Variants in KCTD21 observed in about 807,000 individuals in gnomAD.
KCTD21 encodes potassium channel tetramerization domain containing 21, also known as BTB/POZ domain-containing protein KCTD21.
In KCTD21, 9 loss-of-function variants were observed where a neutral mutation model predicts 13.2. The observed-to-expected ratio is 0.68, with a 90% CI of 0.41 to 1.19. The LOEUF (loss-of-function observed/expected upper bound fraction) is 1.19, where lower values mean the gene tolerates loss of function less well. Ranked by LOEUF, KCTD21 falls within the 50% of genes most tolerant of loss-of-function variation. KCTD21 has a pLI of 0.01. For synonymous variants in KCTD21, 142 were observed against 137.4 expected (o/e 1.03, Z -0.23); for missense variants, 303 against 336.5 (o/e 0.90, Z 0.78).
At chr11:78,183,684 G>C (rs1473827843) in intron 1 of KCTD21, among the ~76,000 whole-genome samples, 2 of 150,814 alleles carry the variant, frequency 1.3e-5, no homozygotes, top group Non-Finnish European at 3.0e-5. Context: ...GCCCAGGCTG[G>C]AGTGCAGTGG....
At position 78,171,728 on chromosome 11, in the gene KCTD21, C is replaced by T. The variant is rs1263438806; in HGVS notation, c.*2044G>A. 1 of 152,222 alleles carries T rather than the reference C, an allele frequency of 6.6e-6. No individual in the cohort carries two copies. Among genetic ancestry groups the T allele is most frequent in the Non-Finnish European group, 1.5e-5 (1 of 68,048 alleles). 9.4% of individuals were successfully genotyped at this position (152,222 alleles called of 1,614,324 possible). A position where few individuals can be genotyped will look rare whatever the true frequency, so the allele number is the denominator to read the frequency against. On this transcript the variant is annotated 3_prime_UTR_variant, in exon 2 of 2. Coordinates refer to ENST00000340067, the MANE Select transcript of KCTD21 (RefSeq NM_001029859.3). The stretch of plus-strand genomic sequence containing the variant: ...TCAAGCGATTCTACTGCCTCAGCCT[C>T]CCAAATAGCTGGGGTTATAGGCGCC...
intron 1 of KCTD21, chr11:78,188,226 G>A: frequency 1.3e-5 from 13 of 976,948 alleles, no homozygotes; most frequent in Non-Finnish European, 1.6e-5. Flanking sequence ...CCCCCACTCC[G>A]ACCTGACAAG....
intron 1 of KCTD21, among the ~76,000 whole-genome samples, chr11:78,185,131 G>C (rs898599616): frequency 6.6e-6 from 1 of 152,100 alleles, no homozygotes; most frequent in African/African-American, 2.4e-5. Flanking sequence ...CCCTTATTAG[G>C]GGATACATGT....
chr11:78,179,171 G>GC, intron 1 of KCTD21, among the ~76,000 whole-genome samples: 1 of 151,332 alleles, frequency 6.6e-6, no homozygotes. Flanking sequence ...CTTCATTCCT[G>GC]CATTTCATTC....
chr11:78,174,839 G>A (rs992438480), intron 1 of KCTD21: 17 of 343,228 alleles, frequency 5.0e-5, no homozygotes, highest in East Asian at 2.0e-4. Flanking sequence ...GGTCCCCCGC[G>A]CCCCCCTCTG....
intron 1 of KCTD21, 169 bp downstream of exon 1, chr11:78,188,404 T>A: frequency 1.0e-6 from 1 of 984,850 alleles, no homozygotes; most frequent in African/African-American, 1.8e-5. Context: ...CTCACCTCGC[T>A]CCGAAACGCG....
At chr11:78,188,030 T>C in intron 1 of KCTD21, 1 of 985,406 alleles carries the variant, frequency 1.0e-6, no homozygotes, top group Non-Finnish European at 1.2e-6. Flanking sequence ...GACTCTTTAT[T>C]TCCAGTCAGT....
At chr11:78,184,742 T>G (rs1862723147) in intron 1 of KCTD21, among the ~76,000 whole-genome samples, 1 of 146,472 alleles carries the variant, frequency 6.8e-6, no homozygotes, top group African/African-American at 2.5e-5. Context: ...AAGGTATTTT[T>G]GGGCAATTAG....
intron 1 of KCTD21, among the ~76,000 whole-genome samples, chr11:78,180,021 A>G (rs1862570047): frequency 6.6e-6 from 1 of 152,194 alleles, no homozygotes; most frequent in Non-Finnish European, 1.5e-5. Flanking sequence ...GGGGAAAAAA[A>G]GAACCTTGGT....
Position 78,174,366 on chromosome 11 carries a change from C to T in KCTD21, c.189G>A (p.Leu63=). 5 of 1,614,082 alleles carry T rather than the reference C, an allele frequency of 3.1e-6. No homozygotes were observed. The highest frequency in any genetic ancestry group is 4.2e-6 in the Non-Finnish European group (5 of 1,180,022). The change falls in exon 2 of 2, where the codon CTG becomes CTA. Residue 63 remains leucine (L), a synonymous_variant. Coordinates refer to ENST00000340067, the MANE Select transcript of KCTD21 (RefSeq NM_001029859.3). ...GKVFRYILNF[L]RTSHLDLPED... ...CAGGCAGGTCAAGGTGGGAGGTCCG[C>T]AGGAAGTTGAGGATATAGCGGAACA...
chr11:78,174,947 G>A (rs182676149), intron 1 of KCTD21: 30 of 176,298 alleles, frequency 1.7e-4, no homozygotes, highest in Admixed American at 3.4e-4. Flanking sequence ...TTAGAATAGA[G>A]AACCACTGGT....
chr11:78,179,015 C>T (rs1862538646), intron 1 of KCTD21, among the ~76,000 whole-genome samples: 1 of 152,068 alleles, frequency 6.6e-6, no homozygotes. Context: ...AGACTAAATC[C>T]TTCGTCCAGA....
At chr11:78,179,635 C>T (rs757596423) in intron 1 of KCTD21, among the ~76,000 whole-genome samples, 9 of 152,130 alleles carry the variant, frequency 5.9e-5, no homozygotes, top group African/African-American at 1.2e-4. Flanking sequence ...TGCAGACTGA[C>T]CTTCCTGAAG....
intron 1 of KCTD21, chr11:78,186,631 G>A (rs1337187477): frequency 1.7e-5 from 15 of 897,694 alleles, no homozygotes; most frequent in Non-Finnish European, 2.0e-5. Flanking sequence ...CTCTATACAT[G>A]TTAATCTCTT....
At chr11:78,176,338 T>A (rs1379868158) in intron 1 of KCTD21, 2 of 152,236 alleles carry the variant, frequency 1.3e-5, no homozygotes. Flanking sequence ...GGCTGCAAGG[T>A]CAGTGCAAAT....
At position 78,174,308 on chromosome 11, in the gene KCTD21, C is replaced by A; in HGVS notation, c.247G>T (p.Glu83Ter). Residue 83 changes from glutamate (E) to a stop codon, truncating the protein, a stop_gained, in exon 2 of 2, where the codon GAG becomes TAG. Transcript: ENST00000340067. LOFTEE classifies it high-confidence loss of function. ...GGCTGCACCTGGTAGAAGTCGGCCTCCCTGCGGAGCAGCCCCATCTCCTGG... is the reference window on the plus strand; with the variant it reads ...GGCTGCACCTGGTAGAAGTCGGCCTACCTGCGGAGCAGCCCCATCTCCTGG... Reference protein sequence around the residue: ...DFQEMGLLRREADFYQVQPLI... With the variant: ...DFQEMGLLRR 6.2e-7 allele frequency: 1 copy of A among 1,614,116 alleles called. No individual in the cohort carries two copies. The highest frequency in any genetic ancestry group is 1.1e-5 in the South Asian group (1 of 91,080).
chr11:78,186,402 A>ACAAAAAC (rs1862770707), intron 1 of KCTD21, among the ~76,000 whole-genome samples: 1 of 132,012 alleles, frequency 7.6e-6, no homozygotes, highest in Non-Finnish European at 1.7e-5. Flanking sequence ...AAAAAAAAAA[A>ACAAAAAC]AAAAAGAAAA....
chr11:78,187,775 T>G (rs1862835152), intron 1 of KCTD21: 1 of 985,284 alleles, frequency 1.0e-6, no homozygotes, highest in Non-Finnish European at 1.2e-6. Context: ...CCAGACAATT[T>G]GCGAAGGTCG....
At chr11:78,181,506 G>A (rs693720) in intron 1 of KCTD21, among the ~76,000 whole-genome samples, 23,233 of 152,176 alleles carry the variant, frequency 0.15, 1,900 homozygotes, top group African/African-American at 0.18. Context: ...TGGGTTGGAG[G>A]GAAAAGACTG....
Sources: allele counts gnomAD v4.1 joint callset (sites outside exome capture counted in the v4.1 genomes callset), GRCh38; gene constraint gnomAD v4.1.1; transcripts MANE v1.5; gene names NCBI Gene and HGNC (gene_info 2026-07-23, HGNC 2026-07-21).